The following RHOBTB3 variants were observed in gnomAD, a reference collection of about 807,000 sequenced individuals.
RHOBTB3 encodes the protein Rho related BTB domain containing 3, also known as rho-related BTB domain-containing protein 3.
In RHOBTB3, 47 loss-of-function variants were observed where a neutral mutation model predicts 67.2. That is an observed-to-expected ratio of 0.70 (90% confidence interval 0.55 to 0.89). RHOBTB3 has a LOEUF of 0.89. RHOBTB3 is among the 40% of genes least tolerant of loss of function. The pLI is 0.00. For synonymous variants in RHOBTB3, 273 were observed against 274.2 expected (o/e 1.00, Z 0.04); for missense variants, 631 against 750.0 (o/e 0.84, Z 1.85).
At chr5:95,733,116 A>C (rs889954254) in intron 2 of RHOBTB3, among the ~76,000 whole-genome samples, 1 of 152,246 alleles carries the variant, frequency 6.6e-6, no homozygotes, top group Non-Finnish European at 1.5e-5. Flanking sequence ...GCAAAGTTCC[A>C]CATAACAGAA....
chr5:95,732,213 T>G (rs780622069), intron 2 of RHOBTB3, 129 bp downstream of exon 2: 2 of 820,530 alleles, frequency 2.4e-6, no homozygotes, highest in Non-Finnish European at 4.1e-6. Context: ...TTTTAAACAT[T>G]TTTGAGAAAA....
chr5:95,785,018 C>T (rs928022809), intron 10 of RHOBTB3, among the ~76,000 whole-genome samples: 3 of 152,204 alleles, frequency 2.0e-5, no homozygotes, highest in African/African-American at 7.2e-5. Flanking sequence ...CTATACCTAT[C>T]AACTTTGACG....
At chr5:95,720,187 G>A (rs1754826211) in intron 1 of RHOBTB3, among the ~76,000 whole-genome samples, 1 of 152,112 alleles carries the variant, frequency 6.6e-6, no homozygotes, top group South Asian at 2.1e-4. Context: ...TAAAGTTTCT[G>A]GACTTGCAAA....
Position 95,780,286 on chromosome 5 carries a change from G to A in RHOBTB3, c.1317G>A (p.Val439=). ...TTVPAHRAIL[V]ARCEVMAAMF... ...TGCCAGCCCACAGGGCCATCCTGGT[G>A]GCCCGTTGTGAAGTGATGGCAGCCA... The change falls in exon 9 of 12, where the codon GTG becomes GTA. Residue 439 remains valine (V), a synonymous_variant. Transcript: ENST00000379982. The A allele has an allele frequency of 6.2e-7, 1 of 1,613,954 alleles. No individual in the cohort carries two copies. Among genetic ancestry groups the A allele is most frequent in the Non-Finnish European group, 8.5e-7 (1 of 1,179,852 alleles).
At chr5:95,792,791 C>CA (rs768296765) in intron 11 of RHOBTB3, among the ~76,000 whole-genome samples, 2,568 of 69,116 alleles carry the variant, frequency 0.037, 87 homozygotes, top group African/African-American at 0.13. Context: ...GACTCCATCT[C>CA]AAAAAAAAAA....
At position 95,731,649 on chromosome 5, in the gene RHOBTB3, T is replaced by A. The variant is rs376364377; in HGVS notation, c.-34T>A. ...GCGAAGCCGTGAGCCGCTGCTTTTC[T>A]CCGAGTCGCCGCCCTGCCCTTGGAT... On this transcript the variant is annotated 5_prime_UTR_variant, in exon 1 of 12. Transcript: ENST00000379982. 3 of 1,612,674 alleles carry A rather than the reference T, an allele frequency of 1.9e-6. No homozygotes were observed. In the East Asian group the frequency reaches 6.7e-5, roughly 36 times the overall value.
At chr5:95,722,250 A>G (rs1355405673) in intron 1 of RHOBTB3, among the ~76,000 whole-genome samples, 1 of 152,242 alleles carries the variant, frequency 6.6e-6, no homozygotes, top group Non-Finnish European at 1.5e-5. Flanking sequence ...CAGTTAAAAC[A>G]TGAGCCAAAT....
chr5:95,718,549 A>G (rs781608380), intron 1 of RHOBTB3, among the ~76,000 whole-genome samples: 8 of 152,238 alleles, frequency 5.3e-5, no homozygotes, highest in Non-Finnish European at 2.9e-5. Context: ...GACAGGGGTA[A>G]GTGAGAAGAC....
At chr5:95,723,974 A>G (rs1754973560) in intron 1 of RHOBTB3, among the ~76,000 whole-genome samples, 2 of 152,246 alleles carry the variant, frequency 1.3e-5, no homozygotes, top group Admixed American at 1.3e-4. Context: ...GAAAATTTTT[A>G]ATAGATGAGA....
intron 2 of RHOBTB3, among the ~76,000 whole-genome samples, chr5:95,734,430 G>A (rs1755404943): frequency 6.6e-6 from 1 of 152,138 alleles, no homozygotes; most frequent in African/African-American, 2.4e-5. Context: ...AGAAATCTTT[G>A]GAGTATTTTC....
intron 8 of RHOBTB3, among the ~76,000 whole-genome samples, chr5:95,778,317 A>G (rs1448323817): frequency 2.0e-5 from 3 of 152,148 alleles, no homozygotes; most frequent in Non-Finnish European, 4.4e-5. Flanking sequence ...TGTAAATGTT[A>G]TATAAATAGT....
chr5:95,789,386 G>T (rs1307265497), intron 11 of RHOBTB3: 1 of 152,352 alleles, frequency 6.6e-6, no homozygotes. Context: ...GAAACTTACT[G>T]GGAGTGTATG....
chr5:95,719,823 G>C (rs1444742769), intron 1 of RHOBTB3: 2 of 152,174 alleles, frequency 1.3e-5, no homozygotes, highest in African/African-American at 4.8e-5. Context: ...GCATAAATTG[G>C]CTTAATGCAG....
chr5:95,777,571 C>A (rs1465017397), intron 8 of RHOBTB3, among the ~76,000 whole-genome samples: 2 of 152,190 alleles, frequency 1.3e-5, no homozygotes, highest in Admixed American at 1.3e-4. Flanking sequence ...TAAGTAATTT[C>A]TTTACCTGTA....
At chr5:95,729,676 T>G (rs769460432), upstream of RHOBTB3, among the ~76,000 whole-genome samples, 6 of 152,104 alleles carry the variant, frequency 3.9e-5, no homozygotes, top group Non-Finnish European at 5.9e-5. Context: ...CAACGCCCCC[T>G]TTTCCCCTCT....
chr5:95,731,877 G>A lies in RHOBTB3; in HGVS notation c.21G>A (p.Ala7=), dbSNP rs770285715. MSIHIV[A]LGNEGDTFHQ... Reference sequence around the variant, plus strand: ...CGTGCAGGTCCATCCACATCGTGGCGCTGGGGAACGAGGGGGACACATTCC... The same window carrying A: ...CGTGCAGGTCCATCCACATCGTGGCACTGGGGAACGAGGGGGACACATTCC... Residue 7 remains alanine (A), a synonymous_variant, in exon 2 of 12, where the codon GCG becomes GCA. Transcript: ENST00000379982. The A allele has an allele frequency of 1.2e-6, 2 of 1,613,050 alleles. No homozygotes were observed. The highest frequency in any genetic ancestry group is 1.7e-6 in the Non-Finnish European group (2 of 1,179,212).
intron 1 of RHOBTB3, among the ~76,000 whole-genome samples, chr5:95,720,135 C>G (rs543067017): frequency 4.5e-4 from 68 of 152,272 alleles, no homozygotes; most frequent in African/African-American, 1.6e-3. Context: ...TGAGACAAAC[C>G]TAGTCCCCTG....
chr5:95,774,915 A>G (rs1385132374), intron 8 of RHOBTB3, among the ~76,000 whole-genome samples: 1 of 152,166 alleles, frequency 6.6e-6, no homozygotes, highest in Admixed American at 6.5e-5. Context: ...ATATGATAGC[A>G]TTGACTCTGG....
chr5:95,787,973 T>C (rs1232444861), intron 10 of RHOBTB3, among the ~76,000 whole-genome samples: 3 of 152,256 alleles, frequency 2.0e-5, no homozygotes, highest in Admixed American at 2.0e-4. Context: ...GACATTTAAC[T>C]GTACACTTAA....
Sources: allele counts gnomAD v4.1 joint callset (sites outside exome capture counted in the v4.1 genomes callset), GRCh38; gene constraint gnomAD v4.1.1; transcripts MANE v1.5; gene names NCBI Gene and HGNC (gene_info 2026-07-23, HGNC 2026-07-21).